The following RBM10 variants were observed in gnomAD, a reference collection of about 807,000 sequenced individuals.
RBM10 encodes the protein RNA binding motif protein 10.
Under a neutral mutation model 84.9 loss-of-function variants are expected in RBM10, and 1 was observed. The observed-to-expected ratio is 0.01, with a 90% CI of 0.00 to 0.06. The LOEUF (loss-of-function observed/expected upper bound fraction) is 0.06. RBM10 is among the 10% of genes least tolerant of loss of function. RBM10 has a pLI of 1.00. For missense variants in RBM10, 438 were observed against 839.0 expected, an observed-to-expected ratio of 0.52 and a Z score of 5.90; for synonymous variants, 326 against 344.5, an observed-to-expected ratio of 0.95 and a Z score of 0.60.
intron 4 of RBM10, among the ~76,000 whole-genome samples, chrX:47,171,520 A>C (rs973965011): frequency 1.8e-5 from 2 of 112,379 alleles, no homozygotes; most frequent in East Asian, 5.6e-4. Context: ...TGGGCGGGAG[A>C]AGAGCAGTCC....
At chrX:47,179,829 G>A in intron 9 of RBM10, 51 bp from the exon 10 acceptor site, 1 of 1,160,777 alleles carries the variant, frequency 8.6e-7, no homozygotes, top group Non-Finnish European at 1.2e-6. Flanking sequence ...TGAAGGGCAG[G>A]GCTGGCAAGA....
chrX:47,185,999 CA>C (rs781937679), intron 21 of RBM10, 65 bp from the exon 22 acceptor site: 7 of 1,177,313 alleles, frequency 5.9e-6, no homozygotes, highest in Non-Finnish European at 8.0e-6. Context: ...CCCCACTCCC[CA>C]TGCCTGTGTT....
intron 9 of RBM10, 73 bp from the exon 10 acceptor site, chrX:47,179,784 GAGTGGGGGCAGAGGAAAGGGAGC>G (rs1264103567): frequency 1.3e-5 from 14 of 1,049,856 alleles, no homozygotes; most frequent in Non-Finnish European, 1.8e-5. Flanking sequence ...GGCACGGAGT[GAGTGGGGGCAGAGGAAAGGGAGC>G]AGTGGGGGCA....
Position 47,145,251 on chromosome X carries a change from C to T in RBM10, c.-360C>T. On this transcript the variant is annotated 5_prime_UTR_variant, in exon 1 of 24. Transcript: ENST00000377604. The stretch of plus-strand genomic sequence containing the variant: ...GTGGATGGTGGTCGGAGCGCCGACT[C>T]CCTTCTCGTCGTCGCCATTTTGAGC... 2 of 484,440 alleles carry T rather than the reference C, an allele frequency of 4.1e-6. No homozygotes were observed. Among genetic ancestry groups the T allele is most frequent in the Non-Finnish European group, 7.2e-6 (2 of 275,946 alleles). 39.9% of individuals were successfully genotyped at this position (484,440 alleles called of 1,213,427 possible). A position where few individuals can be genotyped will look rare whatever the true frequency, so the allele number is the denominator to read the frequency against.
At chrX:47,176,225 C>T (rs1204555823) in intron 6 of RBM10, among the ~76,000 whole-genome samples, 4 of 110,743 alleles carry the variant, frequency 3.6e-5, no homozygotes, top group Non-Finnish European at 7.6e-5. Context: ...CCCCACTGTC[C>T]GGCAAGCGTC....
intron 2 of RBM10, among the ~76,000 whole-genome samples, chrX:47,161,468 C>T (rs1891122408): frequency 9.7e-6 from 1 of 103,556 alleles, no homozygotes; most frequent in Admixed American, 1.0e-4. Context: ...ATTAATTTAC[C>T]TTTATAATGT....
intron 2 of RBM10, among the ~76,000 whole-genome samples, chrX:47,161,072 C>T (rs1451962019): frequency 6.3e-5 from 7 of 111,651 alleles, no homozygotes; most frequent in African/African-American, 2.0e-4. Context: ...CCTCCCACCT[C>T]AGCCTCACAC....
chrX:47,160,709 G>A (rs1556766539), intron 2 of RBM10, among the ~76,000 whole-genome samples: 1 of 111,684 alleles, frequency 9.0e-6, no homozygotes, highest in African/African-American at 3.2e-5. Flanking sequence ...TGGAGAGAGA[G>A]ATTTCTTTAA....
At chrX:47,159,176 G>C (rs60388949) in intron 2 of RBM10, among the ~76,000 whole-genome samples, 1 of 112,198 alleles carries the variant, frequency 8.9e-6, no homozygotes, top group Non-Finnish European at 1.9e-5. Context: ...TTGAGAGGCC[G>C]AGGTGGGCAG....
chrX:47,155,761 T>C (rs782478498), intron 2 of RBM10, among the ~76,000 whole-genome samples: 1 of 104,212 alleles, frequency 9.6e-6, no homozygotes, highest in East Asian at 3.0e-4. Context: ...AATTTTACAA[T>C]GAACACCATA....
rs150665564 is a variant in RBM10 at position 47,181,775 on chromosome X, G to A, written c.1602G>A (p.Val534=). 9.9e-6 allele frequency: 12 copies of A among 1,209,277 alleles called. No individual in the cohort carries two copies. The African/African-American group carries it at 2.1e-4, about 21-fold the overall frequency. ...CGTATACCATCATGTCACCCGCTGT[G>A]CTCAAATCTGAGCTCCAGAGCCCTA... ...SQSYTIMSPA[V]LKSELQSPTH... is the part of the protein sequence containing the mutation. The change falls in exon 15 of 24, where the codon GTG becomes GTA. Residue 534 remains valine (V), a synonymous_variant. Coordinates refer to ENST00000377604, the MANE Select transcript of RBM10 (RefSeq NM_005676.5).
chrX:47,166,127 C>T (rs1556768908), intron 2 of RBM10, among the ~76,000 whole-genome samples: 1 of 111,938 alleles, frequency 8.9e-6, no homozygotes, highest in East Asian at 2.8e-4. Flanking sequence ...TTATTTTAGG[C>T]CATGTGCAGT....
At chrX:47,157,702 T>A in intron 2 of RBM10, 1 of 537,788 alleles carries the variant, frequency 1.9e-6, no homozygotes, top group Non-Finnish European at 3.4e-6. Flanking sequence ...GCTTCAAGGA[T>A]GACATCAGTC....
chrX:47,156,001 G>A (rs1323755304), intron 2 of RBM10, among the ~76,000 whole-genome samples: 2 of 108,292 alleles, frequency 1.8e-5, no homozygotes, highest in Non-Finnish European at 3.8e-5. Flanking sequence ...TAGAGACGGC[G>A]TTTCTCCATG....
At position 47,180,197 on chromosome X, in the gene RBM10, C is replaced by T; in HGVS notation, c.1063-15C>T. On this transcript the variant is annotated splice_polypyrimidine_tract_variant and intron_variant, in intron 10 of 23. Coordinates refer to ENST00000377604, the MANE Select transcript of RBM10 (RefSeq NM_005676.5). ...GGGCCTGACCCTTCTGTCCCTGCCT[C>T]CCCTCCTCCCACAGGAGGCAGCCCA... 8.4e-7 allele frequency: 1 copy of T among 1,190,287 alleles called. No homozygotes were observed. Among genetic ancestry groups the T allele is most frequent in the Non-Finnish European group, 1.1e-6 (1 of 881,324 alleles).
chrX:47,180,584 A>G (rs1935458465), intron 12 of RBM10, 78 bp downstream of exon 12: 1 of 1,174,024 alleles, frequency 8.5e-7, no homozygotes, highest in African/African-American at 1.8e-5. Flanking sequence ...CTGAAGCAGG[A>G]AGGCTGGCTT....
At chrX:47,160,756 A>G (rs1300802671) in intron 2 of RBM10, among the ~76,000 whole-genome samples, 1 of 111,339 alleles carries the variant, frequency 9.0e-6, no homozygotes, top group African/African-American at 3.3e-5. Context: ...TTAAGTTTTC[A>G]CCCATCCATA....
At chrX:47,167,695 C>T (rs917718894) in intron 2 of RBM10, among the ~76,000 whole-genome samples, 1 of 112,386 alleles carries the variant, frequency 8.9e-6, no homozygotes, top group Non-Finnish European at 1.9e-5. Flanking sequence ...CAAATATATC[C>T]TGGTATATAT....
At position 47,179,088 on chromosome X, in the gene RBM10, G is replaced by T; in HGVS notation, c.664-15G>T. On this transcript the variant is annotated splice_polypyrimidine_tract_variant and intron_variant, in intron 7 of 23. Coordinates refer to ENST00000377604, the MANE Select transcript of RBM10 (RefSeq NM_005676.5). ...AATCCCTGCTCCCTCTGACGGCCTG[G>T]CCTGTGCCTCACAGTGTGGCGTCCA... 1 of 1,206,161 alleles carries T rather than the reference G, an allele frequency of 8.3e-7. No individual in the cohort carries two copies. The highest frequency in any genetic ancestry group is 1.8e-5 in the South Asian group (1 of 55,749).
Sources: gnomAD v4.1 joint callset for allele counts (sites outside exome capture counted in the v4.1 genomes callset) on GRCh38, gnomAD v4.1.1 for gene constraint, MANE v1.5 for transcripts, NCBI Gene and HGNC (gene_info 2026-07-23, HGNC 2026-07-21) for gene names.